The following QRFPR variants were observed in gnomAD, a reference collection of about 807,000 sequenced individuals.
QRFPR encodes pyroglutamylated RF-amide peptide receptor.
Under a neutral mutation model 31.3 loss-of-function variants are expected in QRFPR, and 37 were observed. The ratio of observed to expected loss-of-function variants is 1.18; its 90% CI spans 0.91 to 1.56. QRFPR has a LOEUF of 1.56. QRFPR is among the 40% of genes most tolerant of loss of function. QRFPR has a pLI of 0.00. For synonymous variants in QRFPR, 197 were observed against 192.0 expected (o/e 1.03, Z -0.22); for missense variants, 542 against 532.5 (o/e 1.02, Z -0.18).
rs370006989 is a variant in QRFPR at position 121,336,974 on chromosome 4, G to T, written c.500-106C>A. The T allele has an allele frequency of 1.4e-5, 14 of 1,019,030 alleles. No individual in the cohort carries two copies. In the African/African-American group the frequency reaches 1.9e-4, roughly 14 times the overall value. The allele number at this position is 1,019,030 out of a possible 1,614,324, so 63.1% of individuals were successfully genotyped here. ...CCCTATGAGAGGGCAGCTGTTCTCT[G>T]CCCTAGGGCAGTGCCATGGTCTCCC... On this transcript the variant is annotated intron_variant, in intron 2 of 5. Coordinates refer to ENST00000394427, the MANE Select transcript of QRFPR (RefSeq NM_198179.3).
In QRFPR at chr4:121,329,083, G is replaced by A. The variant is rs1261706195; in HGVS notation, c.*231C>T. ...ATGTTGCTTTTTTAAGGCTAGTCAA[G>A]TGAAGCAGTGGGAATGAGAAGGAAC... On this transcript the variant is annotated 3_prime_UTR_variant, in exon 6 of 6. Coordinates refer to ENST00000394427, the MANE Select transcript of QRFPR (RefSeq NM_198179.3). 2.5e-6 allele frequency: 1 copy of A among 402,334 alleles called. No homozygotes were observed. The highest frequency in any genetic ancestry group is 4.4e-6 in the Non-Finnish European group (1 of 229,200). The allele number at this position is 402,334 out of a possible 1,614,324, so 24.9% of individuals were successfully genotyped here. A position where few individuals can be genotyped will look rare whatever the true frequency, so the allele number is the denominator to read the frequency against.
At chr4:121,371,115 T>C (rs1230323892) in intron 1 of QRFPR, among the ~76,000 whole-genome samples, 1 of 152,212 alleles carries the variant, frequency 6.6e-6, no homozygotes, top group Non-Finnish European at 1.5e-5. Flanking sequence ...TGTTTCTCTA[T>C]CCTTCTATTT....
intron 1 of QRFPR, among the ~76,000 whole-genome samples, chr4:121,358,658 C>T (rs1359174364): frequency 6.6e-6 from 1 of 152,128 alleles, no homozygotes; most frequent in African/African-American, 2.4e-5. Flanking sequence ...CTGCACTGCT[C>T]TCATAAACTT....
At chr4:121,369,822 G>T (rs1726198325) in intron 1 of QRFPR, 3 of 1,223,596 alleles carry the variant, frequency 2.5e-6, no homozygotes, top group South Asian at 1.2e-5. Flanking sequence ...GTGGTGCTTG[G>T]GGTGGACAGG....
intron 1 of QRFPR, among the ~76,000 whole-genome samples, chr4:121,373,681 A>G (rs905958174): frequency 6.6e-6 from 1 of 152,224 alleles, no homozygotes; most frequent in Non-Finnish European, 1.5e-5. Context: ...TCACTGATTG[A>G]ATAATAAAAT....
At chr4:121,373,710 G>A (rs1243615534) in intron 1 of QRFPR, among the ~76,000 whole-genome samples, 1 of 152,134 alleles carries the variant, frequency 6.6e-6, no homozygotes, top group African/African-American at 2.4e-5. Context: ...AGAAGTTCCA[G>A]GTTAAGCTCT....
chr4:121,329,548 T>C lies in QRFPR; in HGVS notation c.1062A>G (p.Lys354=). 1.2e-6 allele frequency: 2 copies of C among 1,613,904 alleles called. No individual in the cohort carries two copies. Among genetic ancestry groups the C allele is most frequent in the South Asian group, 2.2e-5 (2 of 90,992 alleles). The change falls in exon 6 of 6, where the codon AAA becomes AAG. Residue 354 remains lysine, a synonymous_variant. Coordinates refer to ENST00000394427, the MANE Select transcript of QRFPR (RefSeq NM_198179.3). The stretch of plus-strand genomic sequence containing the variant: ...CATGCCTTTGTGCTGGAGAGAAGGT[T>C]TTATTTACTATGCAATAACAAACTG... The part of the protein sequence containing the change: ...LSAVCYCIVN[K]TFSPAQRHGN...
At position 121,329,610 on chromosome 4, in the gene QRFPR, A is replaced by G. The variant is rs1725284113; in HGVS notation, c.1000T>C (p.Phe334Leu). 2.5e-6 allele frequency: 4 copies of G among 1,613,094 alleles called. No homozygotes were observed. Among genetic ancestry groups the G allele is most frequent in the Non-Finnish European group, 2.5e-6 (3 of 1,179,518 alleles). The change falls in exon 6 of 6, where the codon TTT becomes CTT. Residue 334 changes from phenylalanine (F) to leucine (L), a missense_variant. Coordinates refer to ENST00000394427, the MANE Select transcript of QRFPR (RefSeq NM_198179.3). ...TTTTTTTTGAAGTTTTCATTCATAA[A>G]TGCATAGACAATGGGATTACAGATG... ...NSICNPIVYA[F>L]MNENFKKNVL...
rs1250147596 is a variant in QRFPR at position 121,340,607 on chromosome 4, G to A, written c.344C>T (p.Ala115Val). ...AAATGGCACCATCTTGCAAATGAAAGCACCTGCAGTAAGGAAATAGGACAA... is the reference window on the plus strand; with the variant it reads ...AAATGGCACCATCTTGCAAATGAAAACACCTGCAGTAAGGAAATAGGACAA... Reference protein sequence around the residue: ...QNISDNWLGGAFICKMVPFVQ... With the variant: ...QNISDNWLGGVFICKMVPFVQ... The change falls in exon 2 of 6, where the codon GCT becomes GTT. Residue 115 changes from alanine (A) to valine (V), a missense_variant. Transcript: ENST00000394427. The A allele has an allele frequency of 2.5e-6, 4 of 1,613,234 alleles. No homozygotes were observed. Among genetic ancestry groups the A allele is most frequent in the Non-Finnish European group, 2.5e-6 (3 of 1,179,392 alleles).
In QRFPR at chr4:121,365,627, ATTATATATATATTT is replaced by A. The variant is rs1726114900; in HGVS notation, c.340+14667_340+14680del. 1.6e-4 allele frequency among the ~76,000 whole-genome samples: 2 copies of A among 12,518 alleles called. 1 individual carries two copies. The highest frequency in any genetic ancestry group is 7.6e-3 in the East Asian group (2 of 262). 8.2% of individuals were successfully genotyped at this position (12,518 alleles called of 152,430 possible). On this transcript the variant is annotated intron_variant, in intron 1 of 5. Coordinates refer to ENST00000394427, the MANE Select transcript of QRFPR (RefSeq NM_198179.3). ...AATATATATATTATATATATTATAT[ATTATATATATATTT>A]TATATATTATATATTATATATATTT...
chr4:121,357,413 G>A (rs1351064863), intron 1 of QRFPR, among the ~76,000 whole-genome samples: 2 of 151,978 alleles, frequency 1.3e-5, no homozygotes, highest in Admixed American at 1.3e-4. Flanking sequence ...ACAGAGATAA[G>A]GTAAAATAAA....
Position 121,332,967 on chromosome 4 carries a change from GA to G in QRFPR, c.650del (p.Phe217SerfsTer13). ...GCAGGAGGAAGAGGATGACAAGGAT[GA>G]AGGTGGTGTAGATCTTCTGGTGCAC... ...SPVHQKIYTT[F>X]ILVILFLLPL... is the part of the protein sequence containing the mutation. On this transcript the variant is annotated frameshift_variant, in exon 4 of 6. Transcript: ENST00000394427. LOFTEE classifies it high-confidence loss of function. 1 of 1,614,056 alleles carries G rather than the reference GA, an allele frequency of 6.2e-7. No homozygotes were observed. Among genetic ancestry groups the G allele is most frequent in the South Asian group, 1.1e-5 (1 of 91,080 alleles).
intron 1 of QRFPR, among the ~76,000 whole-genome samples, chr4:121,354,308 C>T (rs891206214): frequency 6.6e-6 from 1 of 152,008 alleles, no homozygotes; most frequent in African/African-American, 2.4e-5. Flanking sequence ...GCAGTATGAA[C>T]ACTTAATAGT....
Position 121,380,322 on chromosome 4 carries a change from T to C in QRFPR, c.326A>G (p.Asp109Gly), listed in dbSNP as rs1726461667. The C allele has an allele frequency of 6.2e-7, 1 of 1,612,358 alleles. No homozygotes were observed. The highest frequency in any genetic ancestry group is 1.3e-5 in the African/African-American group (1 of 74,752). The change falls in exon 1 of 6, where the codon GAC becomes GGC. Residue 109 changes from aspartate to glycine, a missense_variant. Physicochemically the swap from Asp to Gly is moderately conservative, Grantham distance 94. Coordinates refer to ENST00000394427, the MANE Select transcript of QRFPR (RefSeq NM_198179.3). Reference protein sequence around the residue: ...IPVTMLQNISDNWLGGAFICK... With the variant: ...IPVTMLQNISGNWLGGAFICK... Reference sequence around the variant, plus strand: ...GCGACTCTTACCCCCCAGCCAGTTGTCGGAAATGTTCTGGAGCATGGTGAC... The same window carrying C: ...GCGACTCTTACCCCCCAGCCAGTTGCCGGAAATGTTCTGGAGCATGGTGAC...
In QRFPR at chr4:121,380,495, G is replaced by C. The variant is rs565328219; in HGVS notation, c.153C>G (p.Thr51=). The change falls in exon 1 of 6, where the codon ACC becomes ACG. Residue 51 remains threonine (T), a synonymous_variant. Coordinates refer to ENST00000394427, the MANE Select transcript of QRFPR (RefSeq NM_198179.3). ...PGRAKLALVL[T]GVLIFALALF... ...GCGCCAGGGCGAAGATGAGCACGCC[G>C]GTGAGCACGAGGGCCAGCTTGGCGC... is the stretch of plus-strand genomic sequence containing the variant. 1 of 1,614,172 alleles carries C rather than the reference G, an allele frequency of 6.2e-7. No homozygotes were observed. The highest frequency in any genetic ancestry group is 8.5e-7 in the Non-Finnish European group (1 of 1,179,988).
chr4:121,335,886 A>T (rs1397836277), intron 3 of QRFPR, among the ~76,000 whole-genome samples: 2 of 152,116 alleles, frequency 1.3e-5, no homozygotes, highest in Non-Finnish European at 2.9e-5. Context: ...CAAGAGGACT[A>T]AAAAAGTCCT....
intron 1 of QRFPR, among the ~76,000 whole-genome samples, chr4:121,347,279 G>A (rs527686130): frequency 1.5e-3 from 226 of 152,234 alleles, no homozygotes; most frequent in African/African-American, 5.2e-3. Flanking sequence ...AAAAAGAATA[G>A]GTGCCTGCCT....
intron 1 of QRFPR, among the ~76,000 whole-genome samples, chr4:121,365,581 T>A (rs1486267365): frequency 0.15 from 924 of 6,346 alleles, 417 homozygotes; most frequent in East Asian, 0.47. Context: ...ATAATATATA[T>A]TATATATATT....
intron 1 of QRFPR, 61 bp downstream of exon 1, chr4:121,380,247 G>GAGA (rs1726458419): frequency 9.4e-7 from 1 of 1,061,328 alleles, no homozygotes; most frequent in Admixed American, 2.0e-5. Flanking sequence ...GAGAGAGAGA[G>GAGA]ATCCCCTGAA....
Sources: allele counts gnomAD v4.1 joint callset (sites outside exome capture counted in the v4.1 genomes callset), GRCh38; gene constraint gnomAD v4.1.1; transcripts MANE v1.5; gene names NCBI Gene and HGNC (gene_info 2026-07-23, HGNC 2026-07-21).